The following ALK variants were observed in gnomAD, a reference collection of about 807,000 sequenced individuals.
ALK encodes ALK tyrosine kinase receptor.
Under a neutral mutation model 163.1 loss-of-function variants are expected in ALK, and 74 were observed. That is an observed-to-expected ratio of 0.45 (90% CI 0.38 to 0.55). The LOEUF (loss-of-function observed/expected upper bound fraction) is 0.55, where lower values mean the gene tolerates loss of function less well. Among genes scored for constraint, ALK ranks in the 20% least tolerant of loss-of-function variants. ALK has a pLI of 0.00. For missense variants in ALK, 2,063 were observed against 2,105.3 expected, an observed-to-expected ratio of 0.98 and a Z score of 0.39; for synonymous variants, 960 against 843.2, an observed-to-expected ratio of 1.14 and a Z score of -2.40.
At chr2:29,497,072 A>G (rs977780589) in intron 4 of ALK, among the ~76,000 whole-genome samples, 1 of 152,106 alleles carries the variant, frequency 6.6e-6, no homozygotes, top group African/African-American at 2.4e-5. Context: ...GGAGTTCGAG[A>G]CCAGCCTAGT....
chr2:29,539,761 A>G (rs1444001198), intron 3 of ALK, among the ~76,000 whole-genome samples: 3 of 152,170 alleles, frequency 2.0e-5, no homozygotes, highest in African/African-American at 2.4e-5. Flanking sequence ...ATAATTTCTA[A>G]TGACTTCTTT....
At chr2:29,561,900 T>C (rs1326810999) in intron 3 of ALK, among the ~76,000 whole-genome samples, 2 of 152,120 alleles carry the variant, frequency 1.3e-5, no homozygotes, top group Non-Finnish European at 2.9e-5. Context: ...ATTTAACTAT[T>C]CTGGGGTGGG....
At chr2:29,648,249 T>C (rs1380570200) in intron 3 of ALK, among the ~76,000 whole-genome samples, 1 of 152,208 alleles carries the variant, frequency 6.6e-6, no homozygotes, top group African/African-American at 2.4e-5. Flanking sequence ...AATCAGTTAG[T>C]ACTCTAGGCT....
At chr2:29,802,532 GGGAGA>G (rs1367583410) in intron 1 of ALK, among the ~76,000 whole-genome samples, 1 of 10,556 alleles carries the variant, frequency 9.5e-5, no homozygotes, top group Non-Finnish European at 2.4e-4. Flanking sequence ...GGGAGAGGAG[GGGAGA>G]GGAGGGGAGG....
chr2:29,627,397 C>T (rs921285134), intron 3 of ALK, among the ~76,000 whole-genome samples: 4 of 152,198 alleles, frequency 2.6e-5, no homozygotes, highest in African/African-American at 7.2e-5. Context: ...ACTGTTGATG[C>T]CGCAAATTTC....
intron 4 of ALK, among the ~76,000 whole-genome samples, chr2:29,445,405 T>C: frequency 6.6e-6 from 1 of 152,172 alleles, no homozygotes; most frequent in Non-Finnish European, 1.5e-5. Flanking sequence ...AAAAGACAAT[T>C]ACTTAGGGCC....
intron 4 of ALK, among the ~76,000 whole-genome samples, chr2:29,429,516 T>C (rs1205451637): frequency 6.6e-6 from 1 of 151,964 alleles, no homozygotes; most frequent in African/African-American, 2.4e-5. Context: ...GGAAATAAAT[T>C]TTACAAAAGA....
At chr2:29,309,129 C>A (rs1194694576) in intron 8 of ALK, among the ~76,000 whole-genome samples, 1 of 152,078 alleles carries the variant, frequency 6.6e-6, no homozygotes, top group Admixed American at 6.5e-5. Context: ...CAATGAAACT[C>A]CCACAGCCTT....
intron 3 of ALK, among the ~76,000 whole-genome samples, chr2:29,542,395 A>G (rs1156265791): frequency 1.3e-5 from 2 of 152,220 alleles, no homozygotes; most frequent in Non-Finnish European, 2.9e-5. Context: ...CCTACGGTAC[A>G]GCTATTATTC....
Position 29,920,430 on chromosome 2 carries a change from G to A in ALK, c.230C>T (p.Ser77Phe). ...YARDLLLPPS[S>F]SELKAGRPEA... is the part of the protein sequence containing the mutation. ...GGGCCTGCCAGCCTTCAGCTCCGAGGAGGATGGTGGCAGCAGTAGGTCCCG... is the reference window on the plus strand; with the variant it reads ...GGGCCTGCCAGCCTTCAGCTCCGAGAAGGATGGTGGCAGCAGTAGGTCCCG... The change falls in exon 1 of 29, where the codon TCC (serine) becomes TTC (phenylalanine). Residue 77 changes from serine (S) to phenylalanine (F), a missense_variant. Coordinates refer to ENST00000389048, the MANE Select transcript of ALK (RefSeq NM_004304.5). 1.9e-6 allele frequency: 3 copies of A among 1,605,444 alleles called. No homozygotes were observed. The highest frequency in any genetic ancestry group is 2.6e-6 in the Non-Finnish European group (3 of 1,176,412).
intron 3 of ALK, among the ~76,000 whole-genome samples, chr2:29,587,426 C>T (rs760292622): frequency 1.4e-5 from 2 of 141,868 alleles, no homozygotes; most frequent in Non-Finnish European, 1.6e-5. Context: ...CTTTGCTATT[C>T]TGAGAGATCA....
At chr2:29,521,277 G>T (rs1672804957) in intron 4 of ALK, among the ~76,000 whole-genome samples, 1 of 152,120 alleles carries the variant, frequency 6.6e-6, no homozygotes, top group South Asian at 2.1e-4. Context: ...GCAATGGTAG[G>T]TCTCATGCCC....
In ALK at chr2:29,475,956, T is replaced by C. The variant is rs1043816704; in HGVS notation, c.1154+55959A>G. Among the ~76,000 whole-genome samples, 3 of 152,144 alleles carry C rather than the reference T, an allele frequency of 2.0e-5. 1 individual carries two copies. The South Asian group carries it at 6.2e-4, about 32-fold the overall frequency. On this transcript the variant is annotated intron_variant, in intron 4 of 28. Transcript: ENST00000389048. Reference sequence around the variant, plus strand: ...TCTCACAACTGCAATGAAGTGAAAGTCTCTTGGTCCTCCCGTGTGGGGCTG... The same window carrying C: ...TCTCACAACTGCAATGAAGTGAAAGCCTCTTGGTCCTCCCGTGTGGGGCTG...
Position 29,239,830 on chromosome 2 carries a change from G to A in ALK, c.2205C>T (p.Ser735=), listed in dbSNP as rs2148188901. 6.2e-7 allele frequency: 1 copy of A among 1,613,270 alleles called. No homozygotes were observed. The highest frequency in any genetic ancestry group is 8.5e-7 in the Non-Finnish European group (1 of 1,179,782). Residue 735 remains serine (S), a splice_region_variant and synonymous_variant, in exon 13 of 29, where the codon AGC becomes AGT. Transcript: ENST00000389048. ...CGCCAGCAGCTCCGTAGCCCGAGAT[G>A]CTGCAATGGGACAAAGAACGTTGGC... ...IWKVPATDTY[S]ISGYGAAGGK...
chr2:29,246,531 CTGA>C lies in ALK; in HGVS notation c.2204+4571_2204+4573del, dbSNP rs1664675274. 6.6e-6 allele frequency among the ~76,000 whole-genome samples: 1 copy of C among 152,256 alleles called. No individual in the cohort carries two copies. The highest frequency in any genetic ancestry group is 2.4e-5 in the African/African-American group (1 of 41,460). On this transcript the variant is annotated intron_variant, in intron 12 of 28. Transcript: ENST00000389048. This position sits in a 1 kb window ranked among gnomAD's most constrained non-coding sequence, Gnocchi z 4.3. ...CTCAGCACCACGGCCCAGAGGCCTC[CTGA>C]TCAGGGCCCCTCTCGCTGCTGCCCT...
chr2:29,507,176 T>A (rs1235375286), intron 4 of ALK, among the ~76,000 whole-genome samples: 1 of 152,224 alleles, frequency 6.6e-6, no homozygotes, highest in Non-Finnish European at 1.5e-5. Flanking sequence ...ATACATACAA[T>A]GGAATATTAT....
intron 8 of ALK, among the ~76,000 whole-genome samples, chr2:29,313,712 G>A (rs1666753255): frequency 6.6e-6 from 1 of 152,120 alleles, no homozygotes; most frequent in African/African-American, 2.4e-5. Context: ...TCTGGATGGG[G>A]AGCCCGTGAT....
chr2:29,454,814 A>G (rs1188597844), intron 4 of ALK, among the ~76,000 whole-genome samples: 3 of 152,196 alleles, frequency 2.0e-5, no homozygotes, highest in Admixed American at 1.3e-4. Flanking sequence ...TACTGGGCAC[A>G]TAATTGGCAA....
At chr2:29,604,063 G>C (rs1481135712) in intron 3 of ALK, among the ~76,000 whole-genome samples, 2 of 151,762 alleles carry the variant, frequency 1.3e-5, no homozygotes, top group Non-Finnish European at 2.9e-5. Flanking sequence ...GGTCACCTCT[G>C]TATACTCAGG....
Sources: gnomAD v4.1 joint callset for allele counts (sites outside exome capture counted in the v4.1 genomes callset) on GRCh38, gnomAD v4.1.1 for gene constraint, Gnocchi (gnomAD v3.1) non-coding constraint, MANE v1.5 for transcripts, NCBI Gene and HGNC (gene_info 2026-07-23, HGNC 2026-07-21) for gene names.